Variants in ARHGAP35 observed in about 807,000 individuals in gnomAD.
ARHGAP35 encodes Rho GTPase activating protein 35, also known as rho GTPase-activating protein 35.
In ARHGAP35, 15 loss-of-function variants were observed where a neutral mutation model predicts 111.1. The observed-to-expected ratio is 0.13, with a 90% confidence interval of 0.09 to 0.21. The LOEUF (loss-of-function observed/expected upper bound fraction) is 0.21. Ranked by LOEUF, ARHGAP35 falls within the 10% of genes least tolerant of loss-of-function variation. ARHGAP35 has a pLI of 1.00. For synonymous variants in ARHGAP35, 643 were observed against 710.3 expected (o/e 0.91, Z 1.51); for missense variants, 1,262 against 1,873.0 (o/e 0.67, Z 6.02).
At chr19:46,873,607 C>T (rs1470177745) in intron 1 of ARHGAP35, among the ~76,000 whole-genome samples, 9 of 147,164 alleles carry the variant, frequency 6.1e-5, no homozygotes, top group African/African-American at 2.3e-4. Flanking sequence ...CACTGCACCC[C>T]ACCTGGCTGA....
intron 3 of ARHGAP35, among the ~76,000 whole-genome samples, chr19:46,951,413 C>T (rs1244392027): frequency 2.6e-5 from 4 of 151,998 alleles, no homozygotes; most frequent in Non-Finnish European, 2.9e-5. Flanking sequence ...TTGGGGACTG[C>T]GCATGTGCAT....
At chr19:46,966,800 T>G (rs1051368155) in intron 3 of ARHGAP35, among the ~76,000 whole-genome samples, 3 of 152,162 alleles carry the variant, frequency 2.0e-5, no homozygotes, top group African/African-American at 7.2e-5. Context: ...CAGCCCCCAT[T>G]GGAGATGACT....
chr19:46,867,386 A>G (rs913917393), intron 1 of ARHGAP35, among the ~76,000 whole-genome samples: 6 of 152,194 alleles, frequency 3.9e-5, no homozygotes, highest in Non-Finnish European at 5.9e-5. Flanking sequence ...CCACTGTAGT[A>G]AACTGGTAAT....
chr19:46,960,216 G>A (rs932511211), intron 3 of ARHGAP35, among the ~76,000 whole-genome samples: 1 of 151,912 alleles, frequency 6.6e-6, no homozygotes, highest in Non-Finnish European at 1.5e-5. Flanking sequence ...GGCTGTTTCT[G>A]TCTGCCTGTA....
Position 46,993,488 on chromosome 19 carries a change from G to A in ARHGAP35, c.4036+3813G>A, listed in dbSNP as rs374188245. ...CAGGGTCTCTGCCGCCACTTTGTTT[G>A]ACCTTGGACCGGTATTCTGGCTTTG... On this transcript the variant is annotated intron_variant, in intron 5 of 6. Transcript: ENST00000672722. This position sits in a 1 kb window ranked among gnomAD's most constrained non-coding sequence, Gnocchi z 4.6. Among the ~76,000 whole-genome samples the A allele has an allele frequency of 7.2e-5, 11 of 152,342 alleles. No homozygotes were observed. In the South Asian group the frequency reaches 1.0e-3, roughly 14 times the overall value.
chr19:46,882,461 A>G (rs2055967580), intron 1 of ARHGAP35, among the ~76,000 whole-genome samples: 1 of 152,148 alleles, frequency 6.6e-6, no homozygotes, highest in Non-Finnish European at 1.5e-5. Flanking sequence ...TATCAGCAAT[A>G]GGCTGTTTCA....
rs1050227450 is a variant in ARHGAP35 at position 46,989,236 on chromosome 19, A to G, written c.3905-308A>G. 2 of 273,378 alleles carry G rather than the reference A, an allele frequency of 7.3e-6. No individual in the cohort carries two copies. Among genetic ancestry groups the G allele is most frequent in the Non-Finnish European group, 1.5e-5 (2 of 135,884 alleles). 16.9% of individuals were successfully genotyped at this position (273,378 alleles called of 1,614,324 possible). On this transcript the variant is annotated intron_variant, in intron 4 of 6. Coordinates refer to ENST00000672722, the MANE Select transcript of ARHGAP35 (RefSeq NM_004491.5). This position sits in a 1 kb window ranked among gnomAD's most constrained non-coding sequence, Gnocchi z 5.3. The stretch of plus-strand genomic sequence containing the variant: ...ATGGGAAGGGAGTAAGGAAGAGGCA[A>G]CAGCATATCAAAGCCAGATGAAGGC...
intron 3 of ARHGAP35, among the ~76,000 whole-genome samples, chr19:46,955,835 T>C (rs2056436433): frequency 6.6e-6 from 1 of 152,192 alleles, no homozygotes; most frequent in African/African-American, 2.4e-5. Context: ...AAATTTTTCC[T>C]CTTGAAAGTA....
At chr19:46,927,933 A>G (rs919508517) in intron 2 of ARHGAP35, among the ~76,000 whole-genome samples, 1 of 152,196 alleles carries the variant, frequency 6.6e-6, no homozygotes, top group Admixed American at 6.5e-5. Context: ...CAATCAGTCC[A>G]GTCGATTTGT....
At position 46,920,281 on chromosome 19, in the gene ARHGAP35, C is replaced by G; in HGVS notation, c.1606C>G (p.Leu536Val). 6.2e-7 allele frequency: 1 copy of G among 1,613,990 alleles called. No individual in the cohort carries two copies. The highest frequency in any genetic ancestry group is 1.3e-5 in the African/African-American group (1 of 75,036). Residue 536 changes from leucine (L) to valine (V), a missense_variant, in exon 2 of 7, where the codon CTC becomes GTC. By Grantham distance (32) the Leu-to-Val change is conservative. Coordinates refer to ENST00000672722, the MANE Select transcript of ARHGAP35 (RefSeq NM_004491.5). The surrounding 1 kb of genome is among the most constrained non-coding windows in gnomAD (Gnocchi z 7.0). ...ACAGCGATTTAAAGCATTACAAAAG[C>G]TCCAAGCAGAGCGTGATGCCCTTAT... is the stretch of plus-strand genomic sequence containing the variant. The part of the protein sequence containing the change: ...EEQRFKALQK[L>V]QAERDALILK...
intron 5 of ARHGAP35, among the ~76,000 whole-genome samples, chr19:46,991,976 G>C (rs1004847509): frequency 2.0e-5 from 3 of 152,206 alleles, no homozygotes; most frequent in African/African-American, 4.8e-5. Flanking sequence ...AAATGGTTTT[G>C]TTAGCTCCAG....
chr19:46,941,876 TAAAAA>T (rs71179279), intron 3 of ARHGAP35, among the ~76,000 whole-genome samples: 8 of 94,536 alleles, frequency 8.5e-5, no homozygotes, highest in African/African-American at 1.7e-4. Context: ...CCTGTCTCTT[TAAAAA>T]AAAAAAAAAA....
At chr19:46,877,869 G>A (rs1054277566) in intron 1 of ARHGAP35, among the ~76,000 whole-genome samples, 5 of 151,820 alleles carry the variant, frequency 3.3e-5, no homozygotes, top group African/African-American at 9.7e-5. Context: ...ACCGCGCCTG[G>A]CTAATTTTTT....
rs186062421 is a variant in ARHGAP35, at chr19:46,922,488, A to G, written c.3681+132A>G. 15 of 887,924 alleles carry G rather than the reference A, an allele frequency of 1.7e-5. No homozygotes were observed. The highest frequency in any genetic ancestry group is 2.3e-5 in the Non-Finnish European group (14 of 613,214). 55.0% of individuals were successfully genotyped at this position (887,924 alleles called of 1,614,324 possible). A position where few individuals can be genotyped will look rare whatever the true frequency, so the allele number is the denominator to read the frequency against. The stretch of plus-strand genomic sequence containing the variant: ...GCCCTGTGTGTGTATTTGACTTAAC[A>G]TAAAAAAGCAGTGCCTCAATTAGCT... On this transcript the variant is annotated intron_variant, in intron 2 of 6. Coordinates refer to ENST00000672722, the MANE Select transcript of ARHGAP35 (RefSeq NM_004491.5). The surrounding 1 kb of genome is among the most constrained non-coding windows in gnomAD (Gnocchi z 4.0).
intron 3 of ARHGAP35, among the ~76,000 whole-genome samples, chr19:46,987,364 C>T (rs927545604): frequency 6.7e-5 from 10 of 150,376 alleles, no homozygotes; most frequent in Non-Finnish European, 1.5e-4. Context: ...TACAGGCGCG[C>T]ACCACCACAC....
At position 46,962,895 on chromosome 19, in the gene ARHGAP35, G is replaced by A. The variant is rs527600384; in HGVS notation, c.3827-25094G>A. 9.2e-5 allele frequency among the ~76,000 whole-genome samples: 14 copies of A among 152,284 alleles called. No individual in the cohort carries two copies. The South Asian group carries it at 2.9e-3, about 32-fold the overall frequency. Reference sequence around the variant, plus strand: ...CAAAGTGCTGGGATCGCAGGCATGAGCCACTGCGCCCGGCCTCAACCTCTC... The same window carrying A: ...CAAAGTGCTGGGATCGCAGGCATGAACCACTGCGCCCGGCCTCAACCTCTC... On this transcript the variant is annotated intron_variant, in intron 3 of 6. Transcript: ENST00000672722.
chr19:46,939,966 G>T (rs1443846235), intron 3 of ARHGAP35, among the ~76,000 whole-genome samples: 1 of 151,788 alleles, frequency 6.6e-6, no homozygotes, highest in Non-Finnish European at 1.5e-5. Context: ...GCCCAGCACA[G>T]TGGCTCACGA....
Position 46,979,894 on chromosome 19 carries a change from C to T in ARHGAP35, c.3827-8095C>T, listed in dbSNP as rs563150682. Among the ~76,000 whole-genome samples the T allele has an allele frequency of 3.9e-5, 6 of 152,154 alleles. No homozygotes were observed. In the South Asian group the frequency reaches 6.2e-4, roughly 16 times the overall value. On this transcript the variant is annotated intron_variant, in intron 3 of 6. Coordinates refer to ENST00000672722, the MANE Select transcript of ARHGAP35 (RefSeq NM_004491.5). ...AGGGGCAGGGGAGGGACAGAGGACC[C>T]GAGTGTTCAAGGAGGAGAGCAGCCA...
At chr19:46,905,273 A>C (rs2056100670) in intron 1 of ARHGAP35, among the ~76,000 whole-genome samples, 1 of 152,162 alleles carries the variant, frequency 6.6e-6, no homozygotes, top group South Asian at 2.1e-4. Context: ...CACGCCTATA[A>C]TCTCAGCACT....
Sources: gnomAD v4.1 joint callset for allele counts (sites outside exome capture counted in the v4.1 genomes callset) on GRCh38, gnomAD v4.1.1 for gene constraint, Gnocchi (gnomAD v3.1) non-coding constraint, MANE v1.5 for transcripts, NCBI Gene and HGNC (gene_info 2026-07-23, HGNC 2026-07-21) for gene names.